CADPS: variants seen among roughly 807,000 people sequenced by gnomAD.
The protein encoded by CADPS is calcium dependent secretion activator, also known as calcium-dependent secretion activator 1.
CADPS carries 57 observed loss-of-function variants against 167.3 expected under a neutral mutation model. The ratio of observed to expected loss-of-function variants is 0.34; its 90% CI spans 0.28 to 0.42. The LOEUF is 0.42. CADPS is among the 20% of genes least tolerant of loss of function. The pLI is 1.00. For missense variants in CADPS, 1,414 were observed against 1,738.1 expected, an observed-to-expected ratio of 0.81 and a Z score of 3.32; for synonymous variants, 676 against 635.3, an observed-to-expected ratio of 1.06 and a Z score of -0.96.
intron 11 of CADPS, among the ~76,000 whole-genome samples, chr3:62,545,275 A>C (rs2076275160): frequency 6.6e-6 from 1 of 152,034 alleles, no homozygotes; most frequent in Admixed American, 6.6e-5. Context: ...TGAGGTACTA[A>C]TTTTTACTGT....
At chr3:62,673,474 C>T (rs1041334610) in intron 3 of CADPS, among the ~76,000 whole-genome samples, 3 of 152,146 alleles carry the variant, frequency 2.0e-5, no homozygotes, top group African/African-American at 7.2e-5. Flanking sequence ...GGAGTCTCTG[C>T]TTCCTCATCT....
At chr3:62,713,163 C>T (rs1422544998) in intron 3 of CADPS, among the ~76,000 whole-genome samples, 2 of 152,208 alleles carry the variant, frequency 1.3e-5, no homozygotes, top group African/African-American at 4.8e-5. Flanking sequence ...CTTTAATCCT[C>T]ATTAAAACTC....
intron 1 of CADPS, among the ~76,000 whole-genome samples, chr3:62,835,695 T>C (rs1231157951): frequency 6.6e-6 from 1 of 152,160 alleles, no homozygotes; most frequent in Non-Finnish European, 1.5e-5. Context: ...CTGCGTAGTA[T>C]TGCCAGGAAA....
chr3:62,707,670 A>G (rs1264199985), intron 3 of CADPS, among the ~76,000 whole-genome samples: 1 of 152,160 alleles, frequency 6.6e-6, no homozygotes, highest in African/African-American at 2.4e-5. Context: ...TTATTGCAAA[A>G]TATATACCAG....
At chr3:62,705,961 A>C (rs1245687027) in intron 3 of CADPS, among the ~76,000 whole-genome samples, 1 of 152,098 alleles carries the variant, frequency 6.6e-6, no homozygotes, top group East Asian at 1.9e-4. Context: ...ATTCTGCTGC[A>C]CTTAATAAAA....
At chr3:62,481,623 T>C in intron 22 of CADPS, 100 bp downstream of exon 22, 5 of 1,077,880 alleles carry the variant, frequency 4.6e-6, no homozygotes, top group Non-Finnish European at 6.6e-6. Flanking sequence ...TAATTATCCA[T>C]CTCCATCTCT....
chr3:62,481,009 G>C (rs80022797), intron 22 of CADPS, among the ~76,000 whole-genome samples: 3,596 of 152,210 alleles, frequency 0.024, 148 homozygotes, highest in African/African-American at 0.081. Flanking sequence ...TGAGTATAAA[G>C]CATAGCCCTA....
At chr3:62,749,367 G>C (rs979498033) in intron 3 of CADPS, among the ~76,000 whole-genome samples, 4 of 152,188 alleles carry the variant, frequency 2.6e-5, no homozygotes, top group African/African-American at 9.6e-5. Flanking sequence ...CTCATAAAGA[G>C]AGAGCATGGG....
chr3:62,416,830 TC>T (rs1408013395), intron 28 of CADPS, among the ~76,000 whole-genome samples: 3 of 152,084 alleles, frequency 2.0e-5, no homozygotes, highest in Admixed American at 1.3e-4. Flanking sequence ...GGGATTTAAC[TC>T]TAAGTTTTAA....
At chr3:62,720,427 C>T (rs1475356577) in intron 3 of CADPS, among the ~76,000 whole-genome samples, 1 of 151,678 alleles carries the variant, frequency 6.6e-6, no homozygotes, top group Admixed American at 6.6e-5. Flanking sequence ...GGACTTCTAG[C>T]CTCAAGCAAT....
chr3:62,481,062 T>C (rs2061950035), intron 22 of CADPS, among the ~76,000 whole-genome samples: 1 of 152,232 alleles, frequency 6.6e-6, no homozygotes, highest in Non-Finnish European at 1.5e-5. Flanking sequence ...TATTTATTGT[T>C]TGAATCTTGT....
intron 11 of CADPS, among the ~76,000 whole-genome samples, chr3:62,548,482 T>C (rs2076845818): frequency 6.6e-6 from 1 of 152,246 alleles, no homozygotes; most frequent in Non-Finnish European, 1.5e-5. Flanking sequence ...CAGGAATTCC[T>C]GGGAGCATCT....
At chr3:62,672,673 GA>G (rs2075735477) in intron 3 of CADPS, among the ~76,000 whole-genome samples, 1 of 152,132 alleles carries the variant, frequency 6.6e-6, no homozygotes. Flanking sequence ...GTCTAGGCTG[GA>G]ATGCAATGTT....
At position 62,478,075 on chromosome 3, in the gene CADPS, A is replaced by C. The variant is rs931954665; in HGVS notation, c.3329+186T>G. 39 of 600,806 alleles carry C rather than the reference A, an allele frequency of 6.5e-5. No individual in the cohort carries two copies. The Middle Eastern group carries it at 2.3e-3, about 36-fold the overall frequency. The allele number at this position is 600,806 out of a possible 1,614,324, so 37.2% of individuals were successfully genotyped here. ...GCAGCCAGATTATTTTGGGTTTGGG[A>C]CAGATGGAGGGCAGGTGAATGGAAG... On this transcript the variant is annotated intron_variant, in intron 23 of 29. Transcript: ENST00000383710. This position sits in a 1 kb window ranked among gnomAD's most constrained non-coding sequence, Gnocchi z 5.7.
intron 21 of CADPS, among the ~76,000 whole-genome samples, chr3:62,488,674 G>C (rs1467135707): frequency 2.0e-5 from 3 of 151,844 alleles, no homozygotes; most frequent in Non-Finnish European, 4.4e-5. Flanking sequence ...TTATTTTGTA[G>C]AGATGGAGTC....
intron 3 of CADPS, among the ~76,000 whole-genome samples, chr3:62,679,215 C>T (rs1408248917): frequency 2.0e-5 from 3 of 152,086 alleles, no homozygotes; most frequent in East Asian, 1.9e-4. Context: ...GGAGACAGCC[C>T]GCTGGAGTGG....
chr3:62,510,934 A>G (rs1324427354), intron 17 of CADPS, among the ~76,000 whole-genome samples: 1 of 152,344 alleles, frequency 6.6e-6, no homozygotes, highest in African/African-American at 2.4e-5. Context: ...AAGCTTCACT[A>G]TACCAAGCTT....
chr3:62,517,463 G>A (rs1040294373), intron 14 of CADPS, among the ~76,000 whole-genome samples: 1 of 152,104 alleles, frequency 6.6e-6, no homozygotes, highest in African/African-American at 2.4e-5. Flanking sequence ...GTTATGCCAC[G>A]AGTTAATACT....
intron 10 of CADPS, among the ~76,000 whole-genome samples, chr3:62,551,535 A>G (rs2077317674): frequency 1.3e-5 from 2 of 152,178 alleles, no homozygotes; most frequent in Admixed American, 6.5e-5. Flanking sequence ...CACTAGAGTC[A>G]GGTCCTGTCA....
Sources: allele counts gnomAD v4.1 joint callset (sites outside exome capture counted in the v4.1 genomes callset), GRCh38; gene constraint gnomAD v4.1.1; non-coding constraint Gnocchi (gnomAD v3.1); transcripts MANE v1.5; gene names NCBI Gene and HGNC (gene_info 2026-07-23, HGNC 2026-07-21).